The following TRHDE variants were observed in gnomAD, a reference collection of about 807,000 sequenced individuals.
TRHDE encodes the protein thyrotropin releasing hormone degrading enzyme.
In TRHDE, 72 loss-of-function variants were observed where a neutral mutation model predicts 125.7. That is an observed-to-expected ratio of 0.57 (90% CI 0.47 to 0.70). The LOEUF is 0.70. Ranked by LOEUF, TRHDE falls within the 30% of genes least tolerant of loss-of-function variation. TRHDE has a pLI of 0.00. For synonymous variants in TRHDE, 509 were observed against 509.1 expected (o/e 1.00, Z 0.00); for missense variants, 1,110 against 1,327.1 (o/e 0.84, Z 2.54).
At chr12:72,325,204 T>C (rs1481548198) in intron 2 of TRHDE, among the ~76,000 whole-genome samples, 1 of 152,152 alleles carries the variant, frequency 6.6e-6, no homozygotes, top group African/African-American at 2.4e-5. Context: ...TATGTAGACA[T>C]AACATTGTTA....
At chr12:72,261,754 G>A (rs535834860) in intron 2 of TRHDE, among the ~76,000 whole-genome samples, 188 of 152,246 alleles carry the variant, frequency 1.2e-3, no homozygotes, top group African/African-American at 4.2e-3. Context: ...ACTAATAAAT[G>A]AGAACATGTG....
chr12:72,411,011 T>G (rs955452567), intron 3 of TRHDE, among the ~76,000 whole-genome samples: 1 of 151,898 alleles, frequency 6.6e-6, no homozygotes, highest in African/African-American at 2.4e-5. Flanking sequence ...GCTAACACAG[T>G]GAAACCACGT....
At chr12:72,300,269 G>A (rs571296214) in intron 2 of TRHDE, among the ~76,000 whole-genome samples, 4 of 151,492 alleles carry the variant, frequency 2.6e-5, no homozygotes, top group Admixed American at 6.6e-5. Context: ...TGTTGTTTTT[G>A]TTTTTTCACA....
At chr12:72,379,558 G>A (rs560969298) in intron 3 of TRHDE, among the ~76,000 whole-genome samples, 3 of 152,306 alleles carry the variant, frequency 2.0e-5, no homozygotes, top group African/African-American at 7.2e-5. Flanking sequence ...AAATTCACAA[G>A]TGCTTATATT....
At chr12:72,470,765 C>T (rs995184517) in intron 4 of TRHDE, among the ~76,000 whole-genome samples, 4 of 150,480 alleles carry the variant, frequency 2.7e-5, no homozygotes, top group Non-Finnish European at 4.4e-5. Flanking sequence ...TGAAAAATGC[C>T]GTCAGTGAAA....
chr12:72,400,426 G>A (rs1045762139), intron 3 of TRHDE, among the ~76,000 whole-genome samples: 3 of 152,132 alleles, frequency 2.0e-5, no homozygotes, highest in Non-Finnish European at 4.4e-5. Flanking sequence ...GTAAGTGTAA[G>A]CAAAATCAGG....
rs1029508536 is a variant in TRHDE at position 72,586,590 on chromosome 12, T to C, written c.2321+11048T>C. On this transcript the variant is annotated intron_variant, in intron 12 of 18. Coordinates refer to ENST00000261180, the MANE Select transcript of TRHDE (RefSeq NM_013381.3). ...GAAGCTAAGAAGTAGTTCTGGGCCC[T>C]GTGAACTCAGATCACATTTGAATCA... Among the ~76,000 whole-genome samples the C allele has an allele frequency of 2.6e-5, 4 of 152,294 alleles. No homozygotes were observed. In the East Asian group the frequency reaches 7.7e-4, roughly 29 times the overall value.
At chr12:72,473,577 A>C (rs1283716798) in intron 5 of TRHDE, among the ~76,000 whole-genome samples, 1 of 152,124 alleles carries the variant, frequency 6.6e-6, no homozygotes, top group East Asian at 1.9e-4. Context: ...AAATACCTAA[A>C]AGATACGATG....
chr12:72,413,022 C>A (rs1873576221), intron 3 of TRHDE, among the ~76,000 whole-genome samples: 1 of 151,866 alleles, frequency 6.6e-6, no homozygotes. Flanking sequence ...AGTTCTTTTT[C>A]TTGACCCAGA....
upstream of TRHDE, chr12:72,272,216 C>T: frequency 2.4e-6 from 1 of 418,786 alleles, no homozygotes; most frequent in Non-Finnish European, 4.8e-6. The surrounding 1 kb of genome is among the most constrained non-coding windows in gnomAD (Gnocchi z 6.7). Context: ...CACCCTCGCT[C>T]TTCCCACCGC....
chr12:72,311,658 A>G (rs1279738844), intron 2 of TRHDE, among the ~76,000 whole-genome samples: 1 of 152,212 alleles, frequency 6.6e-6, no homozygotes, highest in Non-Finnish European at 1.5e-5. Context: ...TGAGAATGAT[A>G]ATAATGACAG....
intron 2 of TRHDE, among the ~76,000 whole-genome samples, chr12:72,178,347 C>T (rs944869346): frequency 3.3e-5 from 5 of 151,922 alleles, no homozygotes; most frequent in South Asian, 2.1e-4. Context: ...GTAACAGCAT[C>T]GATGATGTCA....
intron 2 of TRHDE, among the ~76,000 whole-genome samples, chr12:72,301,548 G>C (rs1477581687): frequency 6.6e-6 from 1 of 152,184 alleles, no homozygotes; most frequent in Non-Finnish European, 1.5e-5. Flanking sequence ...GAGACAGTTA[G>C]TGGAAATAGC....
At chr12:72,633,863 T>C (rs940352326) in intron 15 of TRHDE, among the ~76,000 whole-genome samples, 1 of 152,180 alleles carries the variant, frequency 6.6e-6, no homozygotes, top group African/African-American at 2.4e-5. Context: ...AAATTACTCA[T>C]TCACTTTCAG....
At chr12:72,262,980 A>G (rs1215318739) in intron 2 of TRHDE, 1 of 152,104 alleles carries the variant, frequency 6.6e-6, no homozygotes, top group Non-Finnish European at 1.5e-5. Flanking sequence ...GATCATAAAA[A>G]CCATTTGATA....
chr12:72,216,968 GTTTTTTTTTTTTTAAGT>G (rs1565664946), intron 2 of TRHDE, among the ~76,000 whole-genome samples: 2 of 148,514 alleles, frequency 1.3e-5, no homozygotes, highest in East Asian at 4.0e-4. Context: ...GGTAATGCTA[GTTTTTTTTTTTTTAAGT>G]AAGATTGTAT....
intron 2 of TRHDE, among the ~76,000 whole-genome samples, chr12:72,305,681 C>A (rs779410626): frequency 6.6e-5 from 10 of 152,158 alleles, no homozygotes; most frequent in Non-Finnish European, 1.5e-4. Flanking sequence ...GTTGGGCAAT[C>A]CCAAGCCGGC....
chr12:72,587,640 G>A (rs950881300), intron 12 of TRHDE, among the ~76,000 whole-genome samples: 1 of 151,834 alleles, frequency 6.6e-6, no homozygotes, highest in African/African-American at 2.4e-5. Context: ...AAAATTAAAG[G>A]ATTGCAGCTC....
At position 72,642,117 on chromosome 12, in the gene TRHDE, C is replaced by T. The variant is rs538697392; in HGVS notation, c.2676-10205C>T. On this transcript the variant is annotated intron_variant, in intron 15 of 18. Coordinates refer to ENST00000261180, the MANE Select transcript of TRHDE (RefSeq NM_013381.3). ...AACCTGACCATGCTGTTACCCTAGT[C>T]TCAGACATAGCCTCCAGTGCTGTGA... is the stretch of plus-strand genomic sequence containing the variant. 2.6e-5 allele frequency among the ~76,000 whole-genome samples: 4 copies of T among 152,320 alleles called. No individual in the cohort carries two copies. The South Asian group carries it at 8.3e-4, about 32-fold the overall frequency.
Sources: allele counts gnomAD v4.1 joint callset (sites outside exome capture counted in the v4.1 genomes callset), GRCh38; gene constraint gnomAD v4.1.1; non-coding constraint Gnocchi (gnomAD v3.1); transcripts MANE v1.5; gene names NCBI Gene and HGNC (gene_info 2026-07-23, HGNC 2026-07-21).